Variants in DLG2 observed in about 807,000 individuals in gnomAD.
The protein encoded by DLG2 is discs large MAGUK scaffold protein 2, also known as disks large homolog 2.
In DLG2, 45 loss-of-function variants were observed where a neutral mutation model predicts 132.5. The ratio of observed to expected loss-of-function variants is 0.34; its 90% confidence interval spans 0.27 to 0.44. The LOEUF is 0.44. Ranked by LOEUF, DLG2 falls within the 20% of genes least tolerant of loss-of-function variation. The probability of loss-of-function intolerance (pLI) is 1.00; values close to 1 mark genes in which losing one functional copy is unlikely to be tolerated. For synonymous variants in DLG2, 424 were observed against 419.6 expected (o/e 1.01, Z -0.13); for missense variants, 1,045 against 1,196.9 (o/e 0.87, Z 1.87).
rs547075279 is a variant in DLG2, at chr11:85,354,135, C to T, written c.41-68770G>A. ...TGCCTCATCTTTCGTGCCCCACTAC[C>T]CTATATCTCCACAAAATAAAGGAGA... On this transcript the variant is annotated intron_variant, in intron 3 of 27. Transcript: ENST00000376104. 1.8e-4 allele frequency among the ~76,000 whole-genome samples: 27 copies of T among 152,054 alleles called. No homozygotes were observed. The East Asian group carries it at 5.0e-3, about 28-fold the overall frequency.
chr11:85,245,793 T>TTCTCATCTACTCTACTAC (rs2076105082), intron 4 of DLG2, among the ~76,000 whole-genome samples: 1 of 151,992 alleles, frequency 6.6e-6, no homozygotes, highest in South Asian at 2.1e-4. Context: ...AATACACTCC[T>TTCTCATCTACTCTACTAC]TCTCATCTAC....
At chr11:83,780,513 C>A (rs141249435) in intron 18 of DLG2, among the ~76,000 whole-genome samples, 3 of 152,234 alleles carry the variant, frequency 2.0e-5, no homozygotes, top group East Asian at 1.9e-4. Flanking sequence ...TATAGTGAAG[C>A]CTTAATGACT....
chr11:83,468,444 T>G (rs1003479331), intron 25 of DLG2, among the ~76,000 whole-genome samples: 3 of 152,242 alleles, frequency 2.0e-5, no homozygotes, highest in African/African-American at 7.2e-5. Flanking sequence ...AGTATTCATT[T>G]AGTTGATAGA....
At chr11:84,668,482 G>A (rs1285935731) in intron 6 of DLG2, among the ~76,000 whole-genome samples, 5 of 152,058 alleles carry the variant, frequency 3.3e-5, no homozygotes, top group East Asian at 3.8e-4. Context: ...AGAATGCCTC[G>A]TTCACTGAAT....
chr11:85,173,754 G>T (rs1264525259), intron 4 of DLG2, among the ~76,000 whole-genome samples: 2 of 152,062 alleles, frequency 1.3e-5, no homozygotes, highest in Admixed American at 6.6e-5. Context: ...ACACACATAG[G>T]CTCAAAATAA....
chr11:83,489,836 T>C (rs1173976826), intron 21 of DLG2, among the ~76,000 whole-genome samples: 2 of 151,838 alleles, frequency 1.3e-5, no homozygotes, highest in Non-Finnish European at 2.9e-5. Flanking sequence ...AGTAAATGAG[T>C]AAACACATGG....
intron 7 of DLG2, among the ~76,000 whole-genome samples, chr11:84,384,431 C>T (rs1165929737): frequency 6.6e-6 from 1 of 151,890 alleles, no homozygotes; most frequent in Non-Finnish European, 1.5e-5. Context: ...TAAATGTTGT[C>T]GAAGATAGTT....
chr11:85,445,278 G>A (rs1355334223), intron 3 of DLG2, among the ~76,000 whole-genome samples: 2 of 152,196 alleles, frequency 1.3e-5, no homozygotes, highest in African/African-American at 4.8e-5. Flanking sequence ...ATGGACTCCA[G>A]ACATGTTTTT....
chr11:84,177,590 G>T (rs888238018), intron 8 of DLG2, among the ~76,000 whole-genome samples: 3 of 152,076 alleles, frequency 2.0e-5, no homozygotes, highest in Admixed American at 1.3e-4. Context: ...CTTCAATAAG[G>T]TTGTTAGGGA....
intron 3 of DLG2, among the ~76,000 whole-genome samples, chr11:85,470,650 C>T (rs1214751824): frequency 3.3e-5 from 5 of 152,138 alleles, no homozygotes; most frequent in Non-Finnish European, 5.9e-5. Context: ...ATCACTTGAA[C>T]CTGGGAAACG....
chr11:83,710,152 C>T (rs1170092220), intron 18 of DLG2, among the ~76,000 whole-genome samples: 2 of 146,972 alleles, frequency 1.4e-5, no homozygotes, highest in African/African-American at 5.2e-5. Context: ...AAGCCCAGCA[C>T]AGCAAATAAG....
intron 9 of DLG2, among the ~76,000 whole-genome samples, chr11:84,101,177 TGTAGGAGTGG>T (rs1464510087): frequency 6.6e-6 from 1 of 151,700 alleles, no homozygotes; most frequent in African/African-American, 2.4e-5. Flanking sequence ...AAATGCAGAG[TGTAGGAGTGG>T]GTAGGAGAAC....
intron 7 of DLG2, among the ~76,000 whole-genome samples, chr11:84,515,594 A>T (rs1021632432): frequency 1.3e-5 from 2 of 151,886 alleles, no homozygotes; most frequent in African/African-American, 4.8e-5. Flanking sequence ...TAACATAAAT[A>T]TGGATAGATC....
intron 6 of DLG2, among the ~76,000 whole-genome samples, chr11:84,611,024 T>TACACACAC (rs10587472): frequency 0.054 from 7,423 of 138,116 alleles, 295 homozygotes; most frequent in African/African-American, 0.085. Flanking sequence ...TTAGATGACA[T>TACACACAC]ACACACACAC....
intron 3 of DLG2, among the ~76,000 whole-genome samples, chr11:85,560,005 CATTT>C (rs1434104517): frequency 6.6e-6 from 1 of 151,536 alleles, no homozygotes; most frequent in Non-Finnish European, 1.5e-5. Context: ...ATGAGAAAAC[CATTT>C]ATTATAAATA....
chr11:83,798,425 A>G (rs2043420101), intron 17 of DLG2, among the ~76,000 whole-genome samples: 1 of 152,240 alleles, frequency 6.6e-6, no homozygotes, highest in Non-Finnish European at 1.5e-5. Flanking sequence ...TCCATTATCT[A>G]TGTGACCAGG....
intron 18 of DLG2, among the ~76,000 whole-genome samples, chr11:83,772,986 A>G (rs1194777773): frequency 6.6e-6 from 1 of 152,254 alleles, no homozygotes; most frequent in East Asian, 1.9e-4. Flanking sequence ...TTATGTTAGC[A>G]TTAAAAATAA....
intron 3 of DLG2, among the ~76,000 whole-genome samples, chr11:85,449,054 C>T (rs1047927452): frequency 1.3e-5 from 2 of 152,058 alleles, no homozygotes; most frequent in Non-Finnish European, 2.9e-5. Flanking sequence ...TCAGTATCTT[C>T]TCTATTATTT....
chr11:83,688,919 A>G (rs1387448770), intron 18 of DLG2, among the ~76,000 whole-genome samples: 1 of 152,124 alleles, frequency 6.6e-6, no homozygotes, highest in Admixed American at 6.5e-5. Context: ...TCAAATCAGT[A>G]AAGAAGAGAT....
Sources: allele counts gnomAD v4.1 joint callset (sites outside exome capture counted in the v4.1 genomes callset), GRCh38; gene constraint gnomAD v4.1.1; transcripts MANE v1.5; gene names NCBI Gene and HGNC (gene_info 2026-07-23, HGNC 2026-07-21).